Variants in CSMD1 observed in about 807,000 individuals in gnomAD.
CSMD1 encodes the protein CUB and Sushi multiple domains 1.
A neutral mutation model predicts 417.5 loss-of-function variants in CSMD1; 213 were observed. The ratio of observed to expected loss-of-function variants is 0.51; its 90% CI spans 0.46 to 0.57. The LOEUF is 0.57. Among genes scored for constraint, CSMD1 ranks in the 20% least tolerant of loss-of-function variants. The pLI is 0.00. For synonymous variants in CSMD1, 2,862 were observed against 1,736.8 expected (o/e 1.65, Z -16.11); for missense variants, 6,923 against 4,529.7 (o/e 1.53, Z -15.17).
chr8:4,560,143 T>C (rs1234650142), intron 2 of CSMD1, among the ~76,000 whole-genome samples: 1 of 152,204 alleles, frequency 6.6e-6, no homozygotes, highest in Admixed American at 6.5e-5. Context: ...GGAAGCAGCA[T>C]ATGCTGAGAA....
intron 3 of CSMD1, among the ~76,000 whole-genome samples, chr8:4,151,619 G>C (rs1003626858): frequency 3.9e-5 from 6 of 152,094 alleles, no homozygotes; most frequent in Non-Finnish European, 8.8e-5. Flanking sequence ...GTGACATGTA[G>C]TTTCACTTTG....
At chr8:4,474,213 C>A (rs1459418127) in intron 2 of CSMD1, among the ~76,000 whole-genome samples, 2 of 151,982 alleles carry the variant, frequency 1.3e-5, no homozygotes, top group Non-Finnish European at 2.9e-5. Context: ...GAACGGCCTA[C>A]AAGTTGTTTA....
intron 44 of CSMD1, among the ~76,000 whole-genome samples, chr8:3,108,343 C>G (rs1816280165): frequency 6.6e-6 from 1 of 152,166 alleles, no homozygotes; most frequent in South Asian, 2.1e-4. Flanking sequence ...TACCAAATCT[C>G]TTTCAATGGT....
chr8:3,732,527 C>T (rs903273389), intron 6 of CSMD1, among the ~76,000 whole-genome samples: 18 of 136,346 alleles, frequency 1.3e-4, no homozygotes, highest in African/African-American at 6.4e-4. Context: ...TTTGCTGAGA[C>T]TCTGTATAAT....
In CSMD1 at chr8:4,035,041, A is replaced by C. The variant is rs376325534; in HGVS notation, c.416-2942T>G. Among the ~76,000 whole-genome samples the C allele has an allele frequency of 5.9e-5, 9 of 152,302 alleles. No individual in the cohort carries two copies. In the East Asian group the frequency reaches 1.5e-3, roughly 26 times the overall value. On this transcript the variant is annotated intron_variant, in intron 3 of 69. Transcript: ENST00000635120. ...TTTTTTTCAATTAACTTTGGTATGA[A>C]TAATGCAAATGATTATCGTGCAGAA...
chr8:3,511,773 ATAACAT>A (rs1242082693), intron 10 of CSMD1, among the ~76,000 whole-genome samples: 4 of 57,016 alleles, frequency 7.0e-5, no homozygotes, highest in Non-Finnish European at 1.2e-4. Flanking sequence ...ATAACATAAC[ATAACAT>A]AACATAACAT....
intron 1 of CSMD1, among the ~76,000 whole-genome samples, chr8:4,819,068 C>T (rs1799372067): frequency 6.6e-6 from 1 of 152,180 alleles, no homozygotes; most frequent in South Asian, 2.1e-4. Flanking sequence ...AAGAGCAGCT[C>T]AGCAACAACA....
At chr8:4,260,018 G>C (rs997913815) in intron 3 of CSMD1, among the ~76,000 whole-genome samples, 5 of 66,858 alleles carry the variant, frequency 7.5e-5, no homozygotes, top group East Asian at 5.0e-4. Context: ...ATGTCTTCTT[G>C]TGCACACTTT....
intron 3 of CSMD1, among the ~76,000 whole-genome samples, chr8:4,284,943 A>G (rs905162869): frequency 6.6e-6 from 1 of 152,176 alleles, no homozygotes; most frequent in African/African-American, 2.4e-5. Flanking sequence ...TACCTGTAAG[A>G]CCTTGGGCAA....
At chr8:4,651,982 A>C (rs778384296) in intron 1 of CSMD1, among the ~76,000 whole-genome samples, 1 of 152,198 alleles carries the variant, frequency 6.6e-6, no homozygotes, top group Admixed American at 6.5e-5. Flanking sequence ...CCCTAAGTAT[A>C]ATGAAAGGAG....
intron 3 of CSMD1, among the ~76,000 whole-genome samples, chr8:4,402,020 A>G (rs944958393): frequency 4.6e-5 from 7 of 152,076 alleles, no homozygotes; most frequent in Non-Finnish European, 1.5e-5. Flanking sequence ...TACCACTGTT[A>G]TAATTCGTGG....
At chr8:3,670,950 T>G (rs1174483430) in intron 7 of CSMD1, among the ~76,000 whole-genome samples, 1 of 110,494 alleles carries the variant, frequency 9.1e-6, no homozygotes, top group East Asian at 2.5e-4. Flanking sequence ...TATGGGTATA[T>G]GTGTATGGGA....
rs138555013 is a variant in CSMD1 at position 3,809,627 on chromosome 8, G to A, written c.819-55585C>T. Among the ~76,000 whole-genome samples, 28 of 152,220 alleles carry A rather than the reference G, an allele frequency of 1.8e-4. 1 individual carries two copies. The East Asian group carries it at 5.0e-3, about 27-fold the overall frequency. On this transcript the variant is annotated intron_variant, in intron 5 of 69. Transcript: ENST00000635120. ...AGAGTGTCTAATTCAGTCTGTCTCT[G>A]GTGGCGGCTAAGAATTCTCATTCTA...
intron 1 of CSMD1, among the ~76,000 whole-genome samples, chr8:4,704,692 T>C (rs911904172): frequency 2.6e-5 from 4 of 152,158 alleles, no homozygotes; most frequent in African/African-American, 9.6e-5. Context: ...AAGTATTTTG[T>C]TTGTTTGCTT....
Position 3,133,954 on chromosome 8 carries a change from C to T in CSMD1, c.6241+8511G>A, listed in dbSNP as rs191908924. Among the ~76,000 whole-genome samples, 7 of 152,220 alleles carry T rather than the reference C, an allele frequency of 4.6e-5. No homozygotes were observed. The East Asian group carries it at 5.8e-4, about 13-fold the overall frequency. On this transcript the variant is annotated intron_variant, in intron 41 of 69. Coordinates refer to ENST00000635120, the MANE Select transcript of CSMD1 (RefSeq NM_033225.6). The stretch of plus-strand genomic sequence containing the variant: ...CTCTGGGAGGCCGAGGCAGGCAGAT[C>T]GGATCATGAGGTCAGGAGATGGAGA...
chr8:3,240,077 G>C (rs1014789663), intron 26 of CSMD1, among the ~76,000 whole-genome samples: 34 of 152,186 alleles, frequency 2.2e-4, no homozygotes, highest in African/African-American at 4.8e-4. Context: ...AAAAGGATTA[G>C]GGTGGTGGCG....
At chr8:3,760,521 C>T (rs1353135890) in intron 5 of CSMD1, among the ~76,000 whole-genome samples, 2 of 152,146 alleles carry the variant, frequency 1.3e-5, no homozygotes, top group African/African-American at 2.4e-5. Flanking sequence ...TTCATGTAAC[C>T]TCCCTCAGCC....
At chr8:3,246,223 A>T (rs1469785786) in intron 26 of CSMD1, among the ~76,000 whole-genome samples, 1 of 152,112 alleles carries the variant, frequency 6.6e-6, no homozygotes, top group African/African-American at 2.4e-5. Context: ...CCTGCCACAC[A>T]TCCACTGTGC....
intron 12 of CSMD1, among the ~76,000 whole-genome samples, chr8:3,440,756 A>T (rs1235324054): frequency 6.6e-6 from 1 of 152,154 alleles, no homozygotes; most frequent in African/African-American, 2.4e-5. Context: ...TTCATCAGTA[A>T]GGTTAATTCT....
Sources: gnomAD v4.1 joint callset for allele counts (sites outside exome capture counted in the v4.1 genomes callset) on GRCh38, gnomAD v4.1.1 for gene constraint, MANE v1.5 for transcripts, NCBI Gene and HGNC (gene_info 2026-07-23, HGNC 2026-07-21) for gene names.